AK4: variants seen among roughly 807,000 people sequenced by gnomAD.
AK4 encodes the protein adenylate kinase 4, mitochondrial.
In AK4, 13 loss-of-function variants were observed where a neutral mutation model predicts 24.6. The observed-to-expected ratio is 0.53, with a 90% CI of 0.34 to 0.84. The LOEUF (loss-of-function observed/expected upper bound fraction) is 0.84, where lower values mean the gene tolerates loss of function less well. Ranked by LOEUF, AK4 falls within the 40% of genes least tolerant of loss-of-function variation. The pLI, the probability that AK4 is intolerant of heterozygous loss-of-function variation, is 0.01. For synonymous variants in AK4, 88 were observed against 107.0 expected, an observed-to-expected ratio of 0.82 and a Z score of 1.10; for missense variants, 192 against 288.2, an observed-to-expected ratio of 0.67 and a Z score of 2.42.
At chr1:65,196,237 A>G (rs1221375850) in intron 2 of AK4, among the ~76,000 whole-genome samples, 1 of 152,148 alleles carries the variant, frequency 6.6e-6, no homozygotes, top group African/African-American at 2.4e-5. Flanking sequence ...AGGCATTCTG[A>G]TGACAGATGA....
Position 65,156,251 on chromosome 1 carries a change from C to T in AK4, c.145+7699C>T, listed in dbSNP as rs1306131949. Among the ~76,000 whole-genome samples, 7 of 152,208 alleles carry T rather than the reference C, an allele frequency of 4.6e-5. No homozygotes were observed. In the East Asian group the frequency reaches 1.4e-3, roughly 29 times the overall value. ...ATGCCTATCCCTGACTCTTGGTTCC[C>T]CAGTTTCTCTCCACAGGGGTATCTG... is the stretch of plus-strand genomic sequence containing the variant. On this transcript the variant is annotated intron_variant, in intron 1 of 4. Coordinates refer to ENST00000327299, the MANE Select transcript of AK4 (RefSeq NM_013410.4).
At chr1:65,190,248 GTTTC>G (rs1185704798) in intron 1 of AK4, among the ~76,000 whole-genome samples, 1 of 148,756 alleles carries the variant, frequency 6.7e-6, no homozygotes, top group African/African-American at 2.5e-5. Context: ...TGCTTTCTTG[GTTTC>G]TTTCTTTCTT....
At chr1:65,200,951 G>A (rs1027407530) in intron 2 of AK4, among the ~76,000 whole-genome samples, 4 of 152,024 alleles carry the variant, frequency 2.6e-5, no homozygotes, top group African/African-American at 7.2e-5. Flanking sequence ...GTGCCACCAC[G>A]CCCAGCTAAT....
intron 1 of AK4, among the ~76,000 whole-genome samples, chr1:65,156,008 A>G (rs1649970666): frequency 6.6e-6 from 1 of 152,178 alleles, no homozygotes. Flanking sequence ...ATTGCATTGT[A>G]TTATAGTATT....
intron 1 of AK4, among the ~76,000 whole-genome samples, chr1:65,173,750 C>A (rs1252156985): frequency 1.3e-5 from 2 of 152,028 alleles, no homozygotes; most frequent in East Asian, 3.9e-4. Flanking sequence ...GTAGCCACAG[C>A]TGCTTAGGAG....
chr1:65,200,123 G>GTTTTGTTTTGTTTTC (rs1261398320), intron 2 of AK4, among the ~76,000 whole-genome samples: 6 of 151,956 alleles, frequency 3.9e-5, no homozygotes, highest in African/African-American at 1.5e-4. Flanking sequence ...GTTTTGTTTT[G>GTTTTGTTTTGTTTTC]TTTTGTTTTG....
rs760676184 is a variant in AK4 at position 65,190,830 on chromosome 1, G to A, written c.265+1G>A. 1 of 1,613,608 alleles carries A rather than the reference G, an allele frequency of 6.2e-7. No individual in the cohort carries two copies. The highest frequency in any genetic ancestry group is 8.5e-7 in the Non-Finnish European group (1 of 1,179,838). The stretch of plus-strand genomic sequence containing the variant: ...CGTGGCCAGCACTGGCTCCTTGATG[G>A]TGAGTTGAAACTGTGGGTAAACCGA... On this transcript the variant is annotated splice_donor_variant, in intron 2 of 4. Transcript: ENST00000327299. LOFTEE classifies it high-confidence loss of function.
At chr1:65,220,225 T>C (rs1199013222) in intron 3 of AK4, among the ~76,000 whole-genome samples, 2 of 152,228 alleles carry the variant, frequency 1.3e-5, no homozygotes, top group Non-Finnish European at 2.9e-5. Flanking sequence ...AAATGTAAGT[T>C]TTCAACTATT....
At position 65,231,301 on chromosome 1, in the gene AK4, G is replaced by C. The variant is rs1224291077; in HGVS notation, c.*5124G>C. 1 of 152,198 alleles carries C rather than the reference G, an allele frequency of 6.6e-6. No individual in the cohort carries two copies. The highest frequency in any genetic ancestry group is 1.5e-5 in the Non-Finnish European group (1 of 68,072). 9.4% of individuals were successfully genotyped at this position (152,198 alleles called of 1,614,324 possible). A position where few individuals can be genotyped will look rare whatever the true frequency, so the allele number is the denominator to read the frequency against. Reference sequence around the variant, plus strand: ...CTTGCCAGAATAAATGCCATTATCTGTATGTTTCAGGGAGTTCCCCAATTT... The same window carrying C: ...CTTGCCAGAATAAATGCCATTATCTCTATGTTTCAGGGAGTTCCCCAATTT... On this transcript the variant is annotated 3_prime_UTR_variant, in exon 5 of 5. Transcript: ENST00000327299.
intron 2 of AK4, among the ~76,000 whole-genome samples, chr1:65,216,680 C>G (rs2101081372): frequency 7.5e-6 from 1 of 133,582 alleles, no homozygotes; most frequent in South Asian, 2.2e-4. Flanking sequence ...CCTTTTCTTT[C>G]TTTTCTTCTT....
At chr1:65,177,318 A>G (rs1232569569) in intron 1 of AK4, among the ~76,000 whole-genome samples, 1 of 152,228 alleles carries the variant, frequency 6.6e-6, no homozygotes, top group East Asian at 1.9e-4. Flanking sequence ...TTACAGTTTC[A>G]AAGTTTTAAA....
At chr1:65,216,141 CT>C (rs759417513) in intron 2 of AK4, among the ~76,000 whole-genome samples, 11,188 of 144,150 alleles carry the variant, frequency 0.078, 869 homozygotes, top group African/African-American at 0.21. Context: ...GATTGCAGTG[CT>C]TTTTTTTTTT....
Position 65,229,703 on chromosome 1 carries a change from C to A in AK4, c.*3526C>A, listed in dbSNP as rs774222260. Reference sequence around the variant, plus strand: ...TGTCAAAGTAGGCTGGGCTTGGGCCCAGGCTAATCTATGAAGGAAGCAAGC... The same window carrying A: ...TGTCAAAGTAGGCTGGGCTTGGGCCAAGGCTAATCTATGAAGGAAGCAAGC... On this transcript the variant is annotated 3_prime_UTR_variant, in exon 5 of 5. Coordinates refer to ENST00000327299, the MANE Select transcript of AK4 (RefSeq NM_013410.4). 2.0e-5 allele frequency: 3 copies of A among 152,190 alleles called. No homozygotes were observed. The highest frequency in any genetic ancestry group is 6.5e-5 in the Admixed American group (1 of 15,278). 9.4% of individuals were successfully genotyped at this position (152,190 alleles called of 1,614,324 possible). A position where few individuals can be genotyped will look rare whatever the true frequency, so the allele number is the denominator to read the frequency against.
At chr1:65,213,142 C>G (rs1372214052) in intron 2 of AK4, among the ~76,000 whole-genome samples, 1 of 152,158 alleles carries the variant, frequency 6.6e-6, no homozygotes, top group Non-Finnish European at 1.5e-5. Flanking sequence ...GCACTAGTTC[C>G]TTGGAAGTTA....
chr1:65,148,643 C>A, intron 1 of AK4, 91 bp downstream of exon 1: 1 of 1,419,824 alleles, frequency 7.0e-7, no homozygotes, highest in South Asian at 1.6e-5. Flanking sequence ...TCACGGCGCC[C>A]TTCCCCCGCC....
chr1:65,198,187 G>C (rs1427988499), intron 2 of AK4, among the ~76,000 whole-genome samples: 1 of 152,120 alleles, frequency 6.6e-6, no homozygotes, highest in African/African-American at 2.4e-5. Flanking sequence ...GTATATTCTG[G>C]TATCTTGAAT....
At chr1:65,192,953 T>TTCAATCCACTCAGCAGCTC (rs1557455599) in intron 2 of AK4, among the ~76,000 whole-genome samples, 1 of 152,186 alleles carries the variant, frequency 6.6e-6, no homozygotes, top group Non-Finnish European at 1.5e-5. Context: ...CTTTGCTGGG[T>TTCAATCCACTCAGCAGCTC]TCAATCCACT....
intron 1 of AK4, among the ~76,000 whole-genome samples, chr1:65,182,762 T>A (rs377393873): frequency 6.6e-6 from 1 of 152,226 alleles, no homozygotes; most frequent in Non-Finnish European, 1.5e-5. Flanking sequence ...AGAGATAATC[T>A]CTTCAATAGT....
At chr1:65,189,380 G>A (rs1160219549) in intron 1 of AK4, among the ~76,000 whole-genome samples, 1 of 150,332 alleles carries the variant, frequency 6.7e-6, no homozygotes, top group Admixed American at 6.7e-5. Flanking sequence ...CTGGGTTCAA[G>A]TGATTCTCAT....
Sources: gnomAD v4.1 joint callset for allele counts (sites outside exome capture counted in the v4.1 genomes callset) on GRCh38, gnomAD v4.1.1 for gene constraint, MANE v1.5 for transcripts, NCBI Gene and HGNC (gene_info 2026-07-23, HGNC 2026-07-21) for gene names.